TM6SF2: variants seen among roughly 807,000 people sequenced by gnomAD.
TM6SF2 encodes the protein transmembrane 6 superfamily member 2.
In TM6SF2, 29 loss-of-function variants were observed where a neutral mutation model predicts 41.0. That is an observed-to-expected ratio of 0.71 (90% CI 0.53 to 0.96). TM6SF2 has a LOEUF of 0.96. Among genes scored for constraint, TM6SF2 ranks in the 50% least tolerant of loss-of-function variants. The probability of loss-of-function intolerance (pLI) is 0.00; values close to 1 mark genes in which losing one functional copy is unlikely to be tolerated. For missense variants in TM6SF2, 475 were observed against 499.0 expected (o/e 0.95, Z 0.46); for synonymous variants, 200 against 209.1 (o/e 0.96, Z 0.37).
chr19:19,270,857 C>A (rs1037134902), intron 2 of TM6SF2, among the ~76,000 whole-genome samples, 165 bp downstream of exon 2: 12 of 152,176 alleles, frequency 7.9e-5, no homozygotes, highest in Non-Finnish European at 1.6e-4. Flanking sequence ...CTTTGAGGTT[C>A]CCCAGTTTAA....
At position 19,270,915 on chromosome 19, in the gene TM6SF2, T is replaced by G. The variant is rs1272609267; in HGVS notation, c.199+107A>C. 9 of 921,086 alleles carry G rather than the reference T, an allele frequency of 9.8e-6. No homozygotes were observed. In the East Asian group the frequency reaches 2.2e-4, roughly 22 times the overall value. 57.1% of individuals were successfully genotyped at this position (921,086 alleles called of 1,614,324 possible). ...AGGTCTCCAGTCTGATGGGAGCTCT[T>G]AAAGGGCCCCCAGTCTGATGGAGGA... On this transcript the variant is annotated intron_variant, in intron 2 of 9. Coordinates refer to ENST00000389363, the MANE Select transcript of TM6SF2 (RefSeq NM_001001524.3).
In TM6SF2 at chr19:19,273,270, C is replaced by A. The variant is rs2061031740; in HGVS notation, c.-55G>T. The A allele has an allele frequency of 1.6e-6, 2 of 1,267,600 alleles. No individual in the cohort carries two copies. 78.5% of individuals were successfully genotyped at this position (1,267,600 alleles called of 1,614,324 possible). A position where few individuals can be genotyped will look rare whatever the true frequency, so the allele number is the denominator to read the frequency against. On this transcript the variant is annotated 5_prime_UTR_variant, in exon 1 of 10. Transcript: ENST00000389363. The stretch of plus-strand genomic sequence containing the variant: ...CCGACGCGTTCTCCAGGGCGCTCGG[C>A]TCCTCGTTGGCGGCGAGTCCGGGCC...
rs375651812 is a variant in TM6SF2 at position 19,267,990 on chromosome 19, C to T, written c.707G>A (p.Gly236Asp). 3.1e-6 allele frequency: 5 copies of T among 1,603,420 alleles called. No individual in the cohort carries two copies. The highest frequency in any genetic ancestry group is 4.3e-6 in the Non-Finnish European group (5 of 1,171,624). The change falls in exon 7 of 10, where the codon GGC becomes GAC. Residue 236 changes from glycine to aspartate, a missense_variant. Gly to Asp is a moderately conservative substitution (Grantham distance 94). Coordinates refer to ENST00000389363, the MANE Select transcript of TM6SF2 (RefSeq NM_001001524.3). ...GACCAACCAGCGCAGACTCACCAGG[C>T]CCCGGAACAGAGTGAAGAAGCCAGC... Reference protein sequence around the residue: ...ILAGFFTLFRGLVVLDCPTDA... With the variant: ...ILAGFFTLFRDLVVLDCPTDA...
At position 19,270,438 on chromosome 19, in the gene TM6SF2, G is replaced by A. The variant is rs201350671; in HGVS notation, c.204C>T (p.Phe68=). The part of the protein sequence containing the change: ...EVSYDPLYAV[F]AVFAFTSVVD... ...CAACCGAGGTGAAGGCGAAGACAGC[G>A]AAGACTGCAGTGAGTGGGCGGGCCG... Residue 68 remains phenylalanine, a synonymous_variant, in exon 3 of 10, where the codon TTC becomes TTT. Coordinates refer to ENST00000389363, the MANE Select transcript of TM6SF2 (RefSeq NM_001001524.3). 1.1e-4 allele frequency: 183 copies of A among 1,605,778 alleles called. No homozygotes were observed. Among genetic ancestry groups the A allele is most frequent in the Non-Finnish European group, 1.5e-4 (176 of 1,176,408 alleles).
At chr19:19,269,596 G>A in intron 5 of TM6SF2, 91 bp downstream of exon 5, 2 of 1,494,732 alleles carry the variant, frequency 1.3e-6, no homozygotes, top group East Asian at 2.3e-5. Flanking sequence ...AGACATCAGG[G>A]AAGGGATGGA....
Position 19,273,123 on chromosome 19 carries a change from C to G in TM6SF2, c.93G>C (p.Ser31=). ...SYALNHVSAL[S]HPLWVALMSA... is the part of the protein sequence containing the mutation. ...CCCTGGCCCCTCTCCGCACGCACTG[C>G]GAGAGCGCCGAGACGTGGTTGAGCG... is the stretch of plus-strand genomic sequence containing the variant. The change falls in exon 1 of 10, where the codon TCG becomes TCC. Residue 31 remains serine, a splice_region_variant and synonymous_variant. Coordinates refer to ENST00000389363, the MANE Select transcript of TM6SF2 (RefSeq NM_001001524.3). 6.7e-7 allele frequency: 1 copy of G among 1,484,966 alleles called. No homozygotes were observed. Among genetic ancestry groups the G allele is most frequent in the East Asian group, 3.0e-5 (1 of 33,790 alleles). 92.0% of individuals were successfully genotyped at this position (1,484,966 alleles called of 1,614,324 possible).
rs778983262 is a variant in TM6SF2 at position 19,267,625 on chromosome 19, A to T, written c.800T>A (p.Val267Glu). 6.2e-7 allele frequency: 1 copy of T among 1,612,842 alleles called. No individual in the cohort carries two copies. Among genetic ancestry groups the T allele is most frequent in the South Asian group, 1.1e-5 (1 of 90,840 alleles). The stretch of plus-strand genomic sequence containing the variant: ...TTCTCCCCGCTCCCCTCTCACCTGC[A>T]CCTTAGGGTAGGCCACAGGGTCCCG... ...YLRDPVAYPK[V>E]QMLMYMFYVL... is the part of the protein sequence containing the mutation. Residue 267 changes from valine (V) to glutamate (E), a missense_variant, in exon 8 of 10, where the codon GTG becomes GAG. This residue lies in a region of TM6SF2 where 190 missense variants were observed against 190.2 expected (regional missense o/e 1.00). Coordinates refer to ENST00000389363, the MANE Select transcript of TM6SF2 (RefSeq NM_001001524.3).
intron 1 of TM6SF2, 63 bp downstream of exon 1, chr19:19,273,058 T>TCCAGGGCC: frequency 2.1e-6 from 1 of 470,242 alleles, no homozygotes; most frequent in Non-Finnish European, 3.8e-6. Context: ...CCACCTCCAG[T>TCCAGGGCC]CCTCCCCGCC....
At chr19:19,268,850 C>G (rs2061012916) in intron 5 of TM6SF2, 96 bp from the exon 6 acceptor site, 2 of 1,411,822 alleles carry the variant, frequency 1.4e-6, no homozygotes, top group African/African-American at 3.0e-5. Flanking sequence ...GCTCTGTCAC[C>G]CAGGCTGGAG....
chr19:19,268,340 G>A (rs1182052395), intron 6 of TM6SF2, among the ~76,000 whole-genome samples: 1 of 151,488 alleles, frequency 6.6e-6, no homozygotes, highest in African/African-American at 2.4e-5. Flanking sequence ...CGAATAGCTG[G>A]GACCACAGGC....
rs1160113335 is a variant in TM6SF2, at chr19:19,272,699, G to GTGTGTGTA, written c.95+421_95+422insTACACACA. On this transcript the variant is annotated intron_variant, in intron 1 of 9. Coordinates refer to ENST00000389363, the MANE Select transcript of TM6SF2 (RefSeq NM_001001524.3). ...AGACAGGCAATGGAGTAGGGTGTGT[G>GTGTGTGTA]TGTGTGTGTGTGTGTGTGTGTGTGT... Among the ~76,000 whole-genome samples, 28 of 133,612 alleles carry GTGTGTGTA rather than the reference G, an allele frequency of 2.1e-4. 1 individual carries two copies. The highest frequency in any genetic ancestry group is 5.9e-4 in the Admixed American group (8 of 13,630). 87.7% of individuals were successfully genotyped at this position (133,612 alleles called of 152,430 possible). A position where few individuals can be genotyped will look rare whatever the true frequency, so the allele number is the denominator to read the frequency against.
intron 1 of TM6SF2, 60 bp downstream of exon 1, chr19:19,273,061 T>TGCCCCCCCCCCCCCCCCCCCCCCCC: frequency 6.5e-6 from 2 of 305,468 alleles, no homozygotes; most frequent in East Asian, 8.6e-5. Flanking sequence ...CCTCCAGTCC[T>TGCCCCCCCCCCCCCCCCCCCCCCCC]CCCCGCCCCC....
chr19:19,271,195 G>A, intron 1 of TM6SF2, 70 bp from the exon 2 acceptor site: 1 of 1,281,806 alleles, frequency 7.8e-7, no homozygotes. Flanking sequence ...CTCCCTGGTG[G>A]GGGAAGGGGC....
In TM6SF2 at chr19:19,267,624, C is replaced by T; in HGVS notation, c.801G>A (p.Val267=). 6.2e-7 allele frequency: 1 copy of T among 1,612,934 alleles called. No individual in the cohort carries two copies. Among genetic ancestry groups the T allele is most frequent in the Non-Finnish European group, 8.5e-7 (1 of 1,179,440 alleles). Reference sequence around the variant, plus strand: ...CTTCTCCCCGCTCCCCTCTCACCTGCACCTTAGGGTAGGCCACAGGGTCCC... The same window carrying T: ...CTTCTCCCCGCTCCCCTCTCACCTGTACCTTAGGGTAGGCCACAGGGTCCC... ...YLRDPVAYPK[V]QMLMYMFYVL... Residue 267 remains valine (V), a synonymous_variant, in exon 8 of 10, where the codon GTG becomes GTA. Coordinates refer to ENST00000389363, the MANE Select transcript of TM6SF2 (RefSeq NM_001001524.3).
At chr19:19,265,813 C>A (rs2061001410) in intron 9 of TM6SF2, among the ~76,000 whole-genome samples, 1 of 152,112 alleles carries the variant, frequency 6.6e-6, no homozygotes, top group Non-Finnish European at 1.5e-5. Flanking sequence ...TGCCTAACCC[C>A]ATCTCCTGGG....
rs78386089 is a variant in TM6SF2, at chr19:19,270,184, G to A, written c.390C>T (p.Ala130=). 2.8e-3 allele frequency: 4,499 copies of A among 1,613,942 alleles called. 119 individuals carry two copies. In the African/African-American group the frequency reaches 0.053, roughly 19 times the overall value. Residue 130 remains alanine (A), a synonymous_variant, in exon 4 of 10, where the codon GCC becomes GCT. Coordinates refer to ENST00000389363, the MANE Select transcript of TM6SF2 (RefSeq NM_001001524.3). ...HYLLYLAMAG[A]ICRRKRYRNF... is the part of the protein sequence containing the mutation. The stretch of plus-strand genomic sequence containing the variant: ...CCTGCCTCCTGCACCTTCTGCAGAT[G>A]GCGCCGGCCATGGCCAGGTAGAGGA...
In TM6SF2 at chr19:19,270,085, C is replaced by A. The variant is rs758380915; in HGVS notation, c.401+88G>T. 4 of 1,575,886 alleles carry A rather than the reference C, an allele frequency of 2.5e-6. No homozygotes were observed. In the East Asian group the frequency reaches 9.3e-5, roughly 37 times the overall value. On this transcript the variant is annotated intron_variant, in intron 4 of 9. Coordinates refer to ENST00000389363, the MANE Select transcript of TM6SF2 (RefSeq NM_001001524.3). ...GGCGTCCTGATTTCTCCTACAGACA[C>A]TTCTGGCTCCACCCTGCCCTGGGAC...
Position 19,270,341 on chromosome 19 carries a change from G to C in TM6SF2, c.297+4C>G, listed in dbSNP as rs768810724. ...AGGGGGCTCCCTGGTCGTCCCCCAA[G>C]TACCTCCTTGGTGTAGAACTCCATG... On this transcript the variant is annotated splice_donor_region_variant and intron_variant, in intron 3 of 9. Coordinates refer to ENST00000389363, the MANE Select transcript of TM6SF2 (RefSeq NM_001001524.3). The C allele has an allele frequency of 6.2e-7, 1 of 1,614,154 alleles. No individual in the cohort carries two copies. The highest frequency in any genetic ancestry group is 8.5e-7 in the Non-Finnish European group (1 of 1,179,960).
intron 9 of TM6SF2, among the ~76,000 whole-genome samples, chr19:19,265,104 C>G (rs1416827028): frequency 6.9e-6 from 1 of 144,942 alleles, no homozygotes; most frequent in Non-Finnish European, 1.5e-5. Context: ...TGCAGTGGTG[C>G]AATCTCGGTT....
Sources: gnomAD v4.1 joint callset for allele counts (sites outside exome capture counted in the v4.1 genomes callset) on GRCh38, gnomAD v4.1.1 for gene constraint, gnomAD v4.1.1 regional missense constraint, MANE v1.5 for transcripts, NCBI Gene and HGNC (gene_info 2026-07-23, HGNC 2026-07-21) for gene names.